MTUS2: variants seen among roughly 807,000 people sequenced by gnomAD.
MTUS2 encodes the protein microtubule-associated tumor suppressor candidate 2.
A neutral mutation model predicts 114.1 loss-of-function variants in MTUS2; 40 were observed. The ratio of observed to expected loss-of-function variants is 0.35; its 90% CI spans 0.27 to 0.46. The LOEUF (loss-of-function observed/expected upper bound fraction) is 0.46, where lower values mean the gene tolerates loss of function less well. Ranked by LOEUF, MTUS2 falls within the 20% of genes least tolerant of loss-of-function variation. The pLI is 1.00. For missense variants in MTUS2, 1,679 were observed against 1,705.4 expected, an observed-to-expected ratio of 0.98 and a Z score of 0.27; for synonymous variants, 688 against 672.0, an observed-to-expected ratio of 1.02 and a Z score of -0.37.
intron 2 of MTUS2, among the ~76,000 whole-genome samples, chr13:28,939,412 A>T (rs575950824): frequency 6.6e-6 from 1 of 152,160 alleles, no homozygotes. Context: ...GGGAATTTTC[A>T]TGTTTTAATT....
intron 5 of MTUS2, among the ~76,000 whole-genome samples, chr13:29,155,889 G>A (rs1016330117): frequency 2.0e-5 from 3 of 151,766 alleles, no homozygotes; most frequent in Non-Finnish European, 4.4e-5. Context: ...CTATCATTAC[G>A]AGGATAATCT....
intron 7 of MTUS2, among the ~76,000 whole-genome samples, chr13:29,325,491 G>GAA (rs1356917965): frequency 7.0e-4 from 18 of 25,756 alleles, no homozygotes; most frequent in Admixed American, 2.4e-3. Flanking sequence ...AGAGGAAGAG[G>GAA]GAGGAGGAGG....
At chr13:28,988,528 C>T (rs1345722935) in intron 2 of MTUS2, among the ~76,000 whole-genome samples, 2 of 152,018 alleles carry the variant, frequency 1.3e-5, no homozygotes, top group Non-Finnish European at 2.9e-5. Flanking sequence ...TTGGAGAAAA[C>T]AGAAAATTAG....
At chr13:29,261,901 G>A (rs1340613801) in intron 5 of MTUS2, among the ~76,000 whole-genome samples, 2 of 134,414 alleles carry the variant, frequency 1.5e-5, no homozygotes, top group Non-Finnish European at 3.4e-5. Flanking sequence ...TGATATAAAA[G>A]AGGAATGGTA....
At chr13:29,163,173 T>A (rs1893173870) in intron 5 of MTUS2, among the ~76,000 whole-genome samples, 1 of 152,206 alleles carries the variant, frequency 6.6e-6, no homozygotes, top group South Asian at 2.1e-4. Context: ...ATGTCCTATT[T>A]TTAAAAGTTA....
intron 2 of MTUS2, among the ~76,000 whole-genome samples, chr13:28,908,908 G>A (rs1880222972): frequency 6.6e-6 from 1 of 151,530 alleles, no homozygotes; most frequent in African/African-American, 2.4e-5. Context: ...TTCTACATAT[G>A]GCTAGCCAGT....
At chr13:29,345,221 A>C (rs1417489261) in intron 7 of MTUS2, among the ~76,000 whole-genome samples, 1 of 152,264 alleles carries the variant, frequency 6.6e-6, no homozygotes, top group Non-Finnish European at 1.5e-5. Context: ...AGGCCAGAGA[A>C]GTTTTCCTTG....
At chr13:29,034,171 T>G in intron 4 of MTUS2, 46 bp downstream of exon 4, 1 of 1,609,424 alleles carries the variant, frequency 6.2e-7, no homozygotes, top group Non-Finnish European at 8.5e-7. Flanking sequence ...TACGTTTAGA[T>G]AGTCATCATG....
intron 6 of MTUS2, among the ~76,000 whole-genome samples, chr13:29,285,131 A>G (rs894152687): frequency 2.6e-5 from 4 of 151,930 alleles, no homozygotes; most frequent in African/African-American, 9.7e-5. Flanking sequence ...TTGAATATCA[A>G]TAAGATTAGT....
At chr13:28,871,867 C>T (rs1365829799) in intron 2 of MTUS2, among the ~76,000 whole-genome samples, 1 of 151,956 alleles carries the variant, frequency 6.6e-6, no homozygotes, top group Non-Finnish European at 1.5e-5. Flanking sequence ...AGGAGTGGCC[C>T]AGGTAGACAG....
chr13:29,409,209 G>A (rs769234477), intron 8 of MTUS2, among the ~76,000 whole-genome samples: 27 of 152,012 alleles, frequency 1.8e-4, no homozygotes, highest in African/African-American at 6.0e-4. Flanking sequence ...TCAGCTACTC[G>A]GGAGGCTGAG....
intron 9 of MTUS2, among the ~76,000 whole-genome samples, chr13:29,443,275 TAGAG>T (rs1391000243): frequency 6.6e-6 from 1 of 152,236 alleles, no homozygotes; most frequent in Non-Finnish European, 1.5e-5. Context: ...AATTTCTCCC[TAGAG>T]AGACTTCTGC....
In MTUS2 at chr13:29,014,207, C is replaced by T. The variant is rs183343886; in HGVS notation, c.-242-10250C>T. Among the ~76,000 whole-genome samples, 187 of 152,302 alleles carry T rather than the reference C, an allele frequency of 1.2e-3. 1 individual carries two copies. The highest frequency in any genetic ancestry group is 3.7e-4 in the Non-Finnish European group (25 of 68,022). ...ACTGGGGCTGAGGAGCCAGGCCCCA[C>T]CCTGCTGTGACAGGGCCTACCTGTG... On this transcript the variant is annotated intron_variant, in intron 2 of 15. Transcript: ENST00000612955.
chr13:29,369,983 A>G (rs1260690526), intron 8 of MTUS2, among the ~76,000 whole-genome samples: 1 of 152,224 alleles, frequency 6.6e-6, no homozygotes, highest in African/African-American at 2.4e-5. Context: ...AATAATTACA[A>G]AGATGGTCAA....
intron 2 of MTUS2, among the ~76,000 whole-genome samples, chr13:28,924,998 C>T (rs562805592): frequency 2.6e-5 from 4 of 151,950 alleles, no homozygotes; most frequent in South Asian, 4.2e-4. Flanking sequence ...AGACTGATTC[C>T]GTTGTACACT....
At chr13:29,330,323 T>G (rs1187600872) in intron 7 of MTUS2, among the ~76,000 whole-genome samples, 2 of 152,210 alleles carry the variant, frequency 1.3e-5, no homozygotes, top group Non-Finnish European at 2.9e-5. Context: ...TCATTGGAGA[T>G]TCTTGATATT....
chr13:29,498,682 T>C (rs1240624163), intron 14 of MTUS2, 145 bp downstream of exon 14: 1 of 1,147,570 alleles, frequency 8.7e-7, no homozygotes, highest in Non-Finnish European at 1.2e-6. Context: ...AGCTGGCCTT[T>C]CCCAGGAATC....
intron 2 of MTUS2, among the ~76,000 whole-genome samples, chr13:28,849,929 T>C (rs1333898510): frequency 6.6e-6 from 1 of 152,164 alleles, no homozygotes; most frequent in Non-Finnish European, 1.5e-5. Flanking sequence ...GGCCCTCTCT[T>C]ACCCCCTCCA....
intron 2 of MTUS2, among the ~76,000 whole-genome samples, chr13:28,934,545 C>T (rs145509841): frequency 0.01 from 1,532 of 152,174 alleles, 19 homozygotes; most frequent in South Asian, 0.029. Context: ...TTTTTTGAGA[C>T]GGAGTTTCAC....
Sources: allele counts gnomAD v4.1 joint callset (sites outside exome capture counted in the v4.1 genomes callset), GRCh38; gene constraint gnomAD v4.1.1; transcripts MANE v1.5; gene names NCBI Gene and HGNC (gene_info 2026-07-23, HGNC 2026-07-21).